The following KRT37 variants were observed in gnomAD, a reference collection of about 807,000 sequenced individuals.
The protein encoded by KRT37 is keratin 37.
A neutral mutation model predicts 41.9 loss-of-function variants in KRT37; 38 were observed. The observed-to-expected ratio is 0.91, with a 90% confidence interval of 0.70 to 1.19. KRT37 has a LOEUF of 1.19. Among genes scored for constraint, KRT37 ranks in the 50% most tolerant of loss-of-function variants. The pLI, the probability that KRT37 is intolerant of heterozygous loss-of-function variation, is 0.00. For missense variants in KRT37, 580 were observed against 575.5 expected (o/e 1.01, Z -0.08); for synonymous variants, 252 against 243.4 (o/e 1.04, Z -0.33).
chr17:41,423,573 A>T, intron 2 of KRT37, 189 bp downstream of exon 2: 1 of 580,910 alleles, frequency 1.7e-6, no homozygotes, highest in African/African-American at 1.9e-5. Flanking sequence ...TTTTTCTTTC[A>T]ATGCTTATAT....
Position 41,421,366 on chromosome 17 carries a change from C to G in KRT37, c.1241+1G>C. 6.2e-7 allele frequency: 1 copy of G among 1,614,174 alleles called. No individual in the cohort carries two copies. The highest frequency in any genetic ancestry group is 8.5e-7 in the Non-Finnish European group (1 of 1,179,984). ...TTAGGAATTGCCCAGATCACACGTACTTGCAGTCCTCGCTCTCCAGAAGGT... is the reference window on the plus strand; with the variant it reads ...TTAGGAATTGCCCAGATCACACGTAGTTGCAGTCCTCGCTCTCCAGAAGGT... On this transcript the variant is annotated splice_donor_variant, in intron 6 of 6. Coordinates refer to ENST00000225550, the MANE Select transcript of KRT37 (RefSeq NM_003770.5). LOFTEE classifies it high-confidence loss of function.
rs1229877545 is a variant in KRT37 at position 41,422,885 on chromosome 17, C to G, written c.625G>C (p.Gly209Arg). The change falls in exon 3 of 7, where the codon GGG becomes CGG. Residue 209 changes from glycine to arginine, a missense_variant. Coordinates refer to ENST00000225550, the MANE Select transcript of KRT37 (RefSeq NM_003770.5). ...GCGTCATCCAGGAGCTTCTGCGTCC[C>G]GCACTTGTCCGCCTCCACCAGCTGG... ...LHQLVEADKC[G>R]TQKLLDDATL... The G allele has an allele frequency of 1.7e-5, 28 of 1,614,056 alleles. No homozygotes were observed. The highest frequency in any genetic ancestry group is 1.6e-5 in the Non-Finnish European group (19 of 1,180,034).
At chr17:41,421,985 A>G in intron 5 of KRT37, 84 bp downstream of exon 5, 2 of 1,601,914 alleles carry the variant, frequency 1.2e-6, no homozygotes, top group Non-Finnish European at 1.7e-6. Context: ...TGTTGAAGGA[A>G]CTGATTTGTG....
intron 2 of KRT37, 155 bp downstream of exon 2, chr17:41,423,607 C>T: frequency 1.6e-6 from 1 of 643,392 alleles, no homozygotes; most frequent in Non-Finnish European, 2.7e-6. Flanking sequence ...ATATAATGAC[C>T]ATTTCTAGCA....
At chr17:41,421,289 T>G (rs1297307485) in intron 6 of KRT37, 78 bp downstream of exon 6, 24 of 1,447,284 alleles carry the variant, frequency 1.7e-5, no homozygotes, top group African/African-American at 2.8e-5. Flanking sequence ...TGATATCTTC[T>G]GCAAGCACTT....
In KRT37 at chr17:41,420,909, G is replaced by A; in HGVS notation, c.1319C>T (p.Pro440Leu). Residue 440 changes from proline (P) to leucine (L), a missense_variant, in exon 7 of 7, where the codon CCC (proline) becomes CTC (leucine). Physicochemically the swap from Pro to Leu is moderately conservative, Grantham distance 98. Transcript: ENST00000225550. ...CCCCATGCTGGCTCCATGGCCAGAG[G>A]GAGACCCACCGGTGACAGGGCCACA... ...PSCGPVTGGSPSGHGASMGR is the reference protein window; with the variant it reads ...PSCGPVTGGSLSGHGASMGR The A allele has an allele frequency of 6.2e-7, 1 of 1,613,936 alleles. No homozygotes were observed. The highest frequency in any genetic ancestry group is 8.5e-7 in the Non-Finnish European group (1 of 1,179,888).
intron 1 of KRT37, 83 bp downstream of exon 1, chr17:41,423,948 AG>A: frequency 6.2e-7 from 1 of 1,603,950 alleles, no homozygotes. Context: ...AAGAACCCAA[AG>A]CTCTCTGGAC....
At position 41,422,493 on chromosome 17, in the gene KRT37, C is replaced by T. The variant is rs187010885; in HGVS notation, c.733-59G>A. On this transcript the variant is annotated intron_variant, in intron 3 of 6. Coordinates refer to ENST00000225550, the MANE Select transcript of KRT37 (RefSeq NM_003770.5). ...AGGAAACGGCCTTTGATGGAGCAGA[C>T]AGCACCAGGACTCCGTCCCTGGCAA... 157 of 1,594,104 alleles carry T rather than the reference C, an allele frequency of 9.8e-5. No homozygotes were observed. The African/African-American group carries it at 1.9e-3, about 19-fold the overall frequency.
chr17:41,424,002 C>T, intron 1 of KRT37, 30 bp downstream of exon 1: 1 of 1,606,872 alleles, frequency 6.2e-7, no homozygotes, highest in Non-Finnish European at 8.5e-7. Flanking sequence ...CTTCTCAGAC[C>T]CAGCATGCCC....
In KRT37 at chr17:41,420,804, G is replaced by A; in HGVS notation, c.*74C>T. On this transcript the variant is annotated 3_prime_UTR_variant, in exon 7 of 7. Transcript: ENST00000225550. The stretch of plus-strand genomic sequence containing the variant: ...TGCCTCAGTGAGTCTAGTCTTGAAG[G>A]AAGACTGGGCAAGGTGAGGGCACTC... 1.0e-6 allele frequency: 1 copy of A among 957,142 alleles called. No individual in the cohort carries two copies. Among genetic ancestry groups the A allele is most frequent in the East Asian group, 2.4e-5 (1 of 40,998 alleles). The allele number at this position is 957,142 out of a possible 1,614,324, so 59.3% of individuals were successfully genotyped here. A position where few individuals can be genotyped will look rare whatever the true frequency, so the allele number is the denominator to read the frequency against.
At chr17:41,423,685 A>G (rs2018573299) in intron 2 of KRT37, 77 bp downstream of exon 2, 1 of 1,366,430 alleles carries the variant, frequency 7.3e-7, no homozygotes, top group Non-Finnish European at 1.0e-6. Flanking sequence ...CACCTACAAT[A>G]TAGACTGAGT....
chr17:41,423,440 T>C (rs564686529), intron 2 of KRT37: 15 of 343,124 alleles, frequency 4.4e-5, no homozygotes, highest in Middle Eastern at 8.3e-4. Context: ...CAACAACCTA[T>C]GCATTGACAG....
rs367724533 is a variant in KRT37, at chr17:41,423,749, C to T, written c.575+13G>A. 18 of 1,612,906 alleles carry T rather than the reference C, an allele frequency of 1.1e-5. 1 individual carries two copies. The East Asian group carries it at 1.3e-4, about 12-fold the overall frequency. ...GGAGAGAAGTCACACTGACCCTCCT[C>T]ATCCTGACTTACTTGATCCTAAAGT... is the stretch of plus-strand genomic sequence containing the variant. On this transcript the variant is annotated intron_variant, in intron 2 of 6. Transcript: ENST00000225550.
chr17:41,422,719 G>A lies in KRT37; in HGVS notation c.732+59C>T, dbSNP rs545187721. 63 of 1,440,002 alleles carry A rather than the reference G, an allele frequency of 4.4e-5. 9 individuals are homozygous for A. The Admixed American group carries it at 7.4e-4, about 17-fold the overall frequency. The allele number at this position is 1,440,002 out of a possible 1,614,324, so 89.2% of individuals were successfully genotyped here. ...GCAATGCTCTGAGAGCCCCAGGGCC[G>A]GGGAGCTCCCCTGTCTGCCCAGCGC... On this transcript the variant is annotated intron_variant, in intron 3 of 6. Transcript: ENST00000225550.
At chr17:41,422,683 G>A (rs1163294246) in intron 3 of KRT37, 95 bp downstream of exon 3, 10 of 1,340,984 alleles carry the variant, frequency 7.5e-6, no homozygotes, top group Non-Finnish European at 1.0e-5. Context: ...CCTTAGGCCA[G>A]CTGAGCCCAG....
rs767042441 is a variant in KRT37, at chr17:41,422,389, C to T, written c.778G>A (p.Glu260Lys). Residue 260 changes from glutamate to lysine, a missense_variant, in exon 4 of 7, where the codon GAG becomes AAG. Coordinates refer to ENST00000225550, the MANE Select transcript of KRT37 (RefSeq NM_003770.5). Reference sequence around the variant, plus strand: ...TCAATGGTGGGCTCAATGTCCAGCTCGATCCGGAACTTCTCCCCCAGCTGA... The same window carrying T: ...TCAATGGTGGGCTCAATGTCCAGCTTGATCCGGAACTTCTCCCCCAGCTGA... ...RSQLGEKFRI[E>K]LDIEPTIDLN... 1.9e-5 allele frequency: 31 copies of T among 1,614,068 alleles called. No homozygotes were observed. The highest frequency in any genetic ancestry group is 3.3e-5 in the Admixed American group (2 of 60,004).
Position 41,421,014 on chromosome 17 carries a change from T to A in KRT37, c.1242-28A>T, listed in dbSNP as rs139943825. ...GCAGGGAGAGAAAGAAGAGTTACAT[T>A]AAAAAGATGTCTCAGTGATTGATGG... On this transcript the variant is annotated intron_variant, in intron 6 of 6. Coordinates refer to ENST00000225550, the MANE Select transcript of KRT37 (RefSeq NM_003770.5). 91 of 1,543,102 alleles carry A rather than the reference T, an allele frequency of 5.9e-5. No individual in the cohort carries two copies. In the African/African-American group the frequency reaches 9.8e-4, roughly 17 times the overall value.
In KRT37 at chr17:41,423,864, G is replaced by A. The variant is rs758219209; in HGVS notation, c.493-20C>T. On this transcript the variant is annotated intron_variant, in intron 1 of 6. Coordinates refer to ENST00000225550, the MANE Select transcript of KRT37 (RefSeq NM_003770.5). ...CAGGATCTGAGGAAAACGGAAAGAC[G>A]GTTCACACACAAAGCACCATACTCT... 25 of 1,613,314 alleles carry A rather than the reference G, an allele frequency of 1.5e-5. No homozygotes were observed. Among genetic ancestry groups the A allele is most frequent in the African/African-American group, 8.0e-5 (6 of 74,884 alleles).
chr17:41,421,256 A>C (rs574534831), intron 6 of KRT37, 111 bp downstream of exon 6: 25 of 1,159,868 alleles, frequency 2.2e-5, no homozygotes, highest in Non-Finnish European at 3.0e-5. Context: ...GCAAGAGAGC[A>C]CAGGAAGGCT....
Sources: gnomAD v4.1 joint callset for allele counts on GRCh38, gnomAD v4.1.1 for gene constraint, MANE v1.5 for transcripts, NCBI Gene and HGNC (gene_info 2026-07-23, HGNC 2026-07-21) for gene names.